The following STAG1 variants were observed in gnomAD, a reference collection of about 807,000 sequenced individuals.
The protein encoded by STAG1 is cohesin subunit SA-1.
Under a neutral mutation model 170.9 loss-of-function variants are expected in STAG1, and 26 were observed. That is an observed-to-expected ratio of 0.15 (90% CI 0.11 to 0.21). The LOEUF (loss-of-function observed/expected upper bound fraction) is 0.21. Among genes scored for constraint, STAG1 ranks in the 10% least tolerant of loss-of-function variants. The probability of loss-of-function intolerance (pLI) is 1.00; values close to 1 mark genes in which losing one functional copy is unlikely to be tolerated. For missense variants in STAG1, 964 were observed against 1,509.5 expected, an observed-to-expected ratio of 0.64 and a Z score of 5.99; for synonymous variants, 514 against 497.7, an observed-to-expected ratio of 1.03 and a Z score of -0.44.
At chr3:136,417,757 TTC>T (rs1271838031) in intron 21 of STAG1, 126 bp downstream of exon 21, 8 of 684,450 alleles carry the variant, frequency 1.2e-5, no homozygotes, top group African/African-American at 3.6e-5. Context: ...ACAGCAATAA[TTC>T]TCTCAAAAGA....
intron 7 of STAG1, among the ~76,000 whole-genome samples, chr3:136,517,646 A>C (rs1934448185): frequency 6.6e-6 from 1 of 152,140 alleles, no homozygotes; most frequent in Admixed American, 6.5e-5. Context: ...CCCTCAAAAA[A>C]TAAAAATGTC....
chr3:136,567,969 G>A (rs537915777), intron 5 of STAG1, among the ~76,000 whole-genome samples: 11 of 151,540 alleles, frequency 7.3e-5, no homozygotes, highest in Admixed American at 4.0e-4. Context: ...CACTTTTTAC[G>A]GCAGAGACTG....
chr3:136,596,167 T>G (rs536689467), intron 4 of STAG1, among the ~76,000 whole-genome samples: 2 of 152,308 alleles, frequency 1.3e-5, no homozygotes, highest in East Asian at 3.9e-4. Flanking sequence ...AATTTTGAAA[T>G]AGTTCTGTGG....
At chr3:136,398,656 T>C (rs2087236291) in intron 22 of STAG1, 93 bp downstream of exon 22, 1 of 517,416 alleles carries the variant, frequency 1.9e-6, no homozygotes, top group Admixed American at 4.3e-5. Flanking sequence ...ATAATTTATA[T>C]TATACAATAA....
At chr3:136,443,543 T>C (rs942553271) in intron 14 of STAG1, 139 bp from the exon 15 acceptor site, 3 of 621,054 alleles carry the variant, frequency 4.8e-6, no homozygotes, top group African/African-American at 3.7e-5. Context: ...GAGAACAATA[T>C]ATATATTCAC....
At chr3:136,589,880 G>A (rs966579009) in intron 4 of STAG1, among the ~76,000 whole-genome samples, 6 of 147,870 alleles carry the variant, frequency 4.1e-5, no homozygotes, top group Admixed American at 6.7e-5. Flanking sequence ...GCAGTGAACC[G>A]AGATCGAGCC....
intron 2 of STAG1, among the ~76,000 whole-genome samples, chr3:136,628,802 T>A (rs533212015): frequency 1.8e-4 from 28 of 152,220 alleles, no homozygotes; most frequent in Non-Finnish European, 2.2e-4. Flanking sequence ...CTAGTAGGCT[T>A]CCCGGAATAT....
At chr3:136,396,287 C>T (rs1214606746) in intron 22 of STAG1, among the ~76,000 whole-genome samples, 4 of 149,900 alleles carry the variant, frequency 2.7e-5, no homozygotes, top group Non-Finnish European at 5.9e-5. Flanking sequence ...GCGATCTCTC[C>T]GCTCACTTCA....
intron 5 of STAG1, among the ~76,000 whole-genome samples, chr3:136,548,081 A>G (rs1208067921): frequency 6.6e-6 from 1 of 151,272 alleles, no homozygotes; most frequent in Non-Finnish European, 1.5e-5. Context: ...ATTAGTTGCT[A>G]TGCCTATCTT....
At chr3:136,706,991 G>GATACCC (rs1943244441) in intron 1 of STAG1, among the ~76,000 whole-genome samples, 1 of 152,168 alleles carries the variant, frequency 6.6e-6, no homozygotes, top group Non-Finnish European at 1.5e-5. Context: ...GGGATAATGT[G>GATACCC]ATACCCACAA....
At chr3:136,667,235 A>C (rs1941814979) in intron 1 of STAG1, among the ~76,000 whole-genome samples, 1 of 152,180 alleles carries the variant, frequency 6.6e-6, no homozygotes, top group Non-Finnish European at 1.5e-5. Flanking sequence ...TATCTTTCAG[A>C]ACACACATGA....
chr3:136,565,985 G>C (rs1474545910), intron 5 of STAG1, among the ~76,000 whole-genome samples: 1 of 152,176 alleles, frequency 6.6e-6, no homozygotes, highest in Non-Finnish European at 1.5e-5. Context: ...CAAATCCTCA[G>C]GGACAGAAAG....
intron 6 of STAG1, among the ~76,000 whole-genome samples, chr3:136,540,849 A>C (rs1051305971): frequency 6.9e-5 from 10 of 145,834 alleles, no homozygotes; most frequent in African/African-American, 2.3e-4. Context: ...AAAAAAAAAA[A>C]AAACCTATAT....
At chr3:136,342,382 G>C (rs760956059) in intron 30 of STAG1, among the ~76,000 whole-genome samples, 4 of 151,942 alleles carry the variant, frequency 2.6e-5, no homozygotes, top group Non-Finnish European at 5.9e-5. Context: ...GCAGTGGCAT[G>C]ATCTCAGCTC....
rs191691749 is a variant in STAG1 at position 136,429,901 on chromosome 3, C to A, written c.1650+3655G>T. On this transcript the variant is annotated intron_variant, in intron 16 of 33. Transcript: ENST00000383202. ...CTGATTTTCTTAAAAACTTTTTTCTCCTCTAGCTTAATTTATTGCAAGAAT... is the reference window on the plus strand; with the variant it reads ...CTGATTTTCTTAAAAACTTTTTTCTACTCTAGCTTAATTTATTGCAAGAAT... 6.5e-3 allele frequency among the ~76,000 whole-genome samples: 982 copies of A among 152,162 alleles called. 13 individuals carry two copies. The highest frequency in any genetic ancestry group is 5.3e-3 in the Non-Finnish European group (360 of 68,008).
chr3:136,368,828 GTATTAC>G (rs1937181820), intron 24 of STAG1, among the ~76,000 whole-genome samples: 1 of 152,038 alleles, frequency 6.6e-6, no homozygotes, highest in African/African-American at 2.4e-5. Flanking sequence ...CTATATGAAT[GTATTAC>G]TATTAACTTT....
chr3:136,714,204 C>T (rs1008535182), intron 1 of STAG1, among the ~76,000 whole-genome samples: 1 of 151,870 alleles, frequency 6.6e-6, no homozygotes, highest in African/African-American at 2.4e-5. Context: ...GCCCTACCCC[C>T]CAAAAAAGTG....
chr3:136,539,005 G>GC (rs1356768991), intron 6 of STAG1, among the ~76,000 whole-genome samples: 1 of 149,398 alleles, frequency 6.7e-6, no homozygotes, highest in East Asian at 1.9e-4. Context: ...GTAGCGGCAG[G>GC]CGCCTGTAGT....
chr3:136,595,283 T>C (rs1302791002), intron 4 of STAG1, among the ~76,000 whole-genome samples: 2 of 152,176 alleles, frequency 1.3e-5, no homozygotes, highest in Non-Finnish European at 2.9e-5. Flanking sequence ...CCAATACCTA[T>C]ATTCACACAA....
Sources: allele counts gnomAD v4.1 joint callset (sites outside exome capture counted in the v4.1 genomes callset), GRCh38; gene constraint gnomAD v4.1.1; transcripts MANE v1.5; gene names NCBI Gene and HGNC (gene_info 2026-07-23, HGNC 2026-07-21).